Variants in LRP1B observed in about 807,000 individuals in gnomAD.
LRP1B encodes the protein LDL receptor related protein 1B.
LRP1B carries 217 observed loss-of-function variants against 556.6 expected under a neutral mutation model. That is an observed-to-expected ratio of 0.39 (90% CI 0.35 to 0.44). The LOEUF is 0.44. Among genes scored for constraint, LRP1B ranks in the 20% least tolerant of loss-of-function variants. The pLI is 1.00. For missense variants in LRP1B, 5,053 were observed against 5,620.8 expected (o/e 0.90, Z 3.23); for synonymous variants, 2,047 against 1,865.8 (o/e 1.10, Z -2.50).
chr2:140,785,540 C>T (rs1032367731), intron 32 of LRP1B, among the ~76,000 whole-genome samples: 4 of 152,078 alleles, frequency 2.6e-5, no homozygotes, highest in Non-Finnish European at 5.9e-5. Context: ...AAAAAATCAA[C>T]ATATTTTTTA....
intron 6 of LRP1B, among the ~76,000 whole-genome samples, chr2:141,208,666 G>C (rs1288363590): frequency 6.6e-6 from 1 of 151,766 alleles, no homozygotes; most frequent in Non-Finnish European, 1.5e-5. Context: ...AGGAGATGGA[G>C]ACCATCCTGG....
At chr2:141,713,811 G>A (rs1692464807) in intron 2 of LRP1B, among the ~76,000 whole-genome samples, 1 of 152,076 alleles carries the variant, frequency 6.6e-6, no homozygotes, top group Admixed American at 6.6e-5. Flanking sequence ...ATTACCTCAA[G>A]TATTTGTTTC....
At chr2:140,782,934 A>T (rs547984246) in intron 32 of LRP1B, among the ~76,000 whole-genome samples, 118 of 152,304 alleles carry the variant, frequency 7.7e-4, no homozygotes, top group Non-Finnish European at 1.4e-3. Context: ...GTCACACAGC[A>T]GGAGTATGGC....
intron 25 of LRP1B, 86 bp downstream of exon 25, chr2:140,883,729 CAT>C (rs1693548262): frequency 1.0e-6 from 1 of 966,882 alleles, no homozygotes; most frequent in South Asian, 1.5e-5. Context: ...CACTTTGACT[CAT>C]AATTGATGAG....
At chr2:141,274,464 T>C (rs1685207560) in intron 3 of LRP1B, among the ~76,000 whole-genome samples, 1 of 152,322 alleles carries the variant, frequency 6.6e-6, no homozygotes, top group South Asian at 2.1e-4. Context: ...AGACTACATA[T>C]TGTATAATTT....
At chr2:140,456,367 T>C (rs772666139) in intron 62 of LRP1B, 88 bp downstream of exon 62, 1 of 1,289,516 alleles carries the variant, frequency 7.8e-7, no homozygotes, top group East Asian at 2.4e-5. Context: ...CTCTACAATG[T>C]ATGGAATGAT....
At chr2:141,304,122 C>T in intron 3 of LRP1B, among the ~76,000 whole-genome samples, 1 of 152,008 alleles carries the variant, frequency 6.6e-6, no homozygotes, top group Non-Finnish European at 1.5e-5. Flanking sequence ...TTTGTTTCTT[C>T]ACTCTTGAGT....
At chr2:141,288,137 T>G (rs1685791289) in intron 3 of LRP1B, among the ~76,000 whole-genome samples, 1 of 152,246 alleles carries the variant, frequency 6.6e-6, no homozygotes, top group South Asian at 2.1e-4. Flanking sequence ...TACATCTCTA[T>G]ATATTATACA....
At chr2:141,974,527 T>C (rs1306071045) in intron 1 of LRP1B, among the ~76,000 whole-genome samples, 1 of 151,996 alleles carries the variant, frequency 6.6e-6, no homozygotes, top group African/African-American at 2.4e-5. Context: ...AGAACATTAG[T>C]ATGGTAGGAA....
At chr2:140,717,232 G>A (rs555827808) in intron 35 of LRP1B, among the ~76,000 whole-genome samples, 1 of 151,758 alleles carries the variant, frequency 6.6e-6, no homozygotes, top group South Asian at 2.1e-4. Flanking sequence ...ATACTACTAG[G>A]GAAAATCAAC....
chr2:141,876,082 T>C (rs1247015587), intron 1 of LRP1B, among the ~76,000 whole-genome samples: 1 of 151,972 alleles, frequency 6.6e-6, no homozygotes, highest in Non-Finnish European at 1.5e-5. Flanking sequence ...AAATAAGTCT[T>C]AAAAAATTTC....
At chr2:141,767,301 C>T (rs1302542228) in intron 2 of LRP1B, among the ~76,000 whole-genome samples, 1 of 151,948 alleles carries the variant, frequency 6.6e-6, no homozygotes, top group Non-Finnish European at 1.5e-5. Flanking sequence ...CATGAGTCAC[C>T]ATTTTTATTT....
chr2:140,684,132 A>T (rs1685964213), intron 41 of LRP1B, among the ~76,000 whole-genome samples: 1 of 152,246 alleles, frequency 6.6e-6, no homozygotes, highest in South Asian at 2.1e-4. Context: ...AAAATAGGTT[A>T]TAAGTAAATG....
In LRP1B at chr2:141,834,721, T is replaced by C. The variant is rs1697213481; in HGVS notation, c.83-24320A>G. ...AGTTTCACAGAGTGGGTAAGAAGGA[T>C]TGGGATCAGAAGTTGCACAGTTGGA... On this transcript the variant is annotated intron_variant, in intron 1 of 90. Transcript: ENST00000389484. 2.6e-5 allele frequency among the ~76,000 whole-genome samples: 4 copies of C among 151,786 alleles called. No homozygotes were observed. The South Asian group carries it at 8.3e-4, about 32-fold the overall frequency.
chr2:140,577,536 C>T (rs1300057312), intron 43 of LRP1B, among the ~76,000 whole-genome samples: 2 of 151,892 alleles, frequency 1.3e-5, no homozygotes, highest in African/African-American at 4.8e-5. Flanking sequence ...CCCACCTCAG[C>T]CTCCTGAGTA....
intron 2 of LRP1B, among the ~76,000 whole-genome samples, chr2:141,728,717 C>T (rs536705194): frequency 2.0e-5 from 3 of 152,230 alleles, no homozygotes; most frequent in Non-Finnish European, 2.9e-5. Flanking sequence ...CTGGTCAGCA[C>T]ACTAAATTCA....
intron 3 of LRP1B, among the ~76,000 whole-genome samples, chr2:141,330,790 T>C (rs1172435339): frequency 7.0e-6 from 1 of 143,102 alleles, no homozygotes; most frequent in East Asian, 2.0e-4. Context: ...TCTCGCTCCG[T>C]CGCCCAGGCT....
chr2:141,599,585 A>G (rs889954945), intron 2 of LRP1B, among the ~76,000 whole-genome samples: 1 of 152,180 alleles, frequency 6.6e-6, no homozygotes, highest in African/African-American at 2.4e-5. Flanking sequence ...AAGTTTTTTA[A>G]TACTTTATTT....
At chr2:141,980,051 A>T (rs2105093017) in intron 1 of LRP1B, among the ~76,000 whole-genome samples, 1 of 152,284 alleles carries the variant, frequency 6.6e-6, no homozygotes, top group African/African-American at 2.4e-5. Context: ...AGTCCAAATC[A>T]TTGAATATCC....
Sources: allele counts gnomAD v4.1 joint callset (sites outside exome capture counted in the v4.1 genomes callset), GRCh38; gene constraint gnomAD v4.1.1; transcripts MANE v1.5; gene names NCBI Gene and HGNC (gene_info 2026-07-23, HGNC 2026-07-21).